AGBL1: variants seen among roughly 807,000 people sequenced by gnomAD.
AGBL1 encodes the protein AGBL carboxypeptidase 1.
In AGBL1, 130 loss-of-function variants were observed where a neutral mutation model predicts 118.9. That is an observed-to-expected ratio of 1.09 (90% CI 0.95 to 1.26). The LOEUF is 1.26. Ranked by LOEUF, AGBL1 falls within the 50% of genes most tolerant of loss-of-function variation. The pLI is 0.00. For missense variants in AGBL1, 1,584 were observed against 1,298.1 expected, an observed-to-expected ratio of 1.22 and a Z score of -3.38; for synonymous variants, 555 against 478.9, an observed-to-expected ratio of 1.16 and a Z score of -2.08.
intron 22 of AGBL1, among the ~76,000 whole-genome samples, chr15:86,813,899 T>C (rs1222536869): frequency 2.6e-5 from 4 of 152,214 alleles, no homozygotes; most frequent in Admixed American, 1.3e-4. Context: ...GAAACATTAC[T>C]TCTTTTTCCA....
At chr15:86,464,229 G>T (rs1305776683) in intron 18 of AGBL1, among the ~76,000 whole-genome samples, 2 of 152,140 alleles carry the variant, frequency 1.3e-5, no homozygotes, top group Admixed American at 1.3e-4. Flanking sequence ...CTCATGATTT[G>T]GCTCTCTGTT....
At chr15:86,224,758 C>T (rs2078332811) in intron 5 of AGBL1, among the ~76,000 whole-genome samples, 156 bp from the exon 6 acceptor site, 1 of 152,108 alleles carries the variant, frequency 6.6e-6, no homozygotes, top group African/African-American at 2.4e-5. Flanking sequence ...GCATTTATGC[C>T]TCTTTAATGG....
intron 18 of AGBL1, among the ~76,000 whole-genome samples, chr15:86,434,937 C>T (rs192543769): frequency 5.9e-5 from 9 of 152,356 alleles, no homozygotes; most frequent in South Asian, 2.1e-4. Context: ...GTTTTGCTCA[C>T]ATAGCCGCAG....
chr15:86,771,821 G>A (rs1297219279), intron 22 of AGBL1, among the ~76,000 whole-genome samples: 1 of 152,034 alleles, frequency 6.6e-6, no homozygotes, highest in East Asian at 1.9e-4. Flanking sequence ...GCTGCTGGAA[G>A]CCATGTTTTA....
chr15:86,831,678 G>T (rs2079105944), intron 22 of AGBL1, among the ~76,000 whole-genome samples: 1 of 152,196 alleles, frequency 6.6e-6, no homozygotes, highest in South Asian at 2.1e-4. Context: ...CCTCCCTCCT[G>T]GCTGCTTTCA....
At chr15:86,306,786 T>G (rs1180488201) in intron 17 of AGBL1, among the ~76,000 whole-genome samples, 1 of 152,162 alleles carries the variant, frequency 6.6e-6, no homozygotes, top group Non-Finnish European at 1.5e-5. Context: ...CCCACAACAG[T>G]GTGCAAGGAT....
chr15:87,027,994 C>T (rs892887465), intron 24 of AGBL1, among the ~76,000 whole-genome samples: 2 of 151,292 alleles, frequency 1.3e-5, no homozygotes, highest in African/African-American at 4.9e-5. Context: ...CACATGTTTA[C>T]CTATGTAACA....
At chr15:86,472,583 G>C (rs546635631) in intron 18 of AGBL1, among the ~76,000 whole-genome samples, 1 of 152,146 alleles carries the variant, frequency 6.6e-6, no homozygotes, top group Non-Finnish European at 1.5e-5. Flanking sequence ...ATTGCAACTG[G>C]AGAACATGCT....
At chr15:86,816,669 TA>T (rs556093155) in intron 22 of AGBL1, among the ~76,000 whole-genome samples, 4 of 151,660 alleles carry the variant, frequency 2.6e-5, no homozygotes, top group Non-Finnish European at 4.4e-5. Context: ...AAAGATGTAG[TA>T]AAAAAAACAC....
rs374473189 is a variant in AGBL1, at chr15:86,693,138, C to T, written c.3158+18702C>T. Among the ~76,000 whole-genome samples the T allele has an allele frequency of 7.9e-5, 12 of 152,206 alleles. No homozygotes were observed. The East Asian group carries it at 1.5e-3, about 20-fold the overall frequency. Reference sequence around the variant, plus strand: ...GGGTAGATACCCAGTAGTGTGATTGCTGGATCAAATGGAAGTTCCACTTTT... The same window carrying T: ...GGGTAGATACCCAGTAGTGTGATTGTTGGATCAAATGGAAGTTCCACTTTT... On this transcript the variant is annotated intron_variant, in intron 22 of 22. Transcript: ENST00000614907.
chr15:86,698,192 G>A (rs1034878843), intron 22 of AGBL1, among the ~76,000 whole-genome samples: 31 of 151,950 alleles, frequency 2.0e-4, no homozygotes, highest in Admixed American at 1.4e-3. Flanking sequence ...ATAGCCCAAG[G>A]CAAGGGAGAT....
At chr15:86,954,596 C>T (rs1307521223) in intron 23 of AGBL1, among the ~76,000 whole-genome samples, 1 of 152,098 alleles carries the variant, frequency 6.6e-6, no homozygotes, top group Non-Finnish European at 1.5e-5. Flanking sequence ...GGGAGCTAAA[C>T]ATTGAGCACA....
At chr15:86,919,339 T>C (rs1055503909), downstream of AGBL1, among the ~76,000 whole-genome samples, 8 of 152,212 alleles carry the variant, frequency 5.3e-5, no homozygotes, top group Non-Finnish European at 8.8e-5. Context: ...GTCAGTGATA[T>C]TCCCGAAAGA....
intron 22 of AGBL1, among the ~76,000 whole-genome samples, chr15:86,716,708 C>T (rs187865812): frequency 7.7e-4 from 118 of 152,288 alleles, no homozygotes; most frequent in Non-Finnish European, 1.2e-3. Context: ...ACATAGATGT[C>T]AACTATCCCA....
intron 22 of AGBL1, among the ~76,000 whole-genome samples, chr15:86,896,451 T>C (rs2080128308): frequency 6.6e-6 from 1 of 152,030 alleles, no homozygotes. Flanking sequence ...GATGGGGGCC[T>C]CAAGTTTTCA....
intron 18 of AGBL1, among the ~76,000 whole-genome samples, chr15:86,475,671 C>G (rs1223472861): frequency 6.6e-6 from 1 of 152,204 alleles, no homozygotes; most frequent in Non-Finnish European, 1.5e-5. Context: ...TCCAGGAGAA[C>G]TTCCCCAACC....
downstream of AGBL1, among the ~76,000 whole-genome samples, chr15:86,919,293 C>T (rs1039065677): frequency 1.3e-5 from 2 of 152,172 alleles, no homozygotes; most frequent in African/African-American, 4.8e-5. Flanking sequence ...CTTTTCCTGT[C>T]TCTGTTGAAA....
intron 23 of AGBL1, among the ~76,000 whole-genome samples, chr15:86,927,002 G>T (rs1352454230): frequency 6.6e-6 from 1 of 152,000 alleles, no homozygotes; most frequent in Non-Finnish European, 1.5e-5. Context: ...AGCCTGGTGT[G>T]GTGGTGGGCG....
At chr15:86,572,022 G>A (rs1390563557) in intron 21 of AGBL1, among the ~76,000 whole-genome samples, 1 of 152,216 alleles carries the variant, frequency 6.6e-6, no homozygotes, top group African/African-American at 2.4e-5. Flanking sequence ...AGGGGGCCAA[G>A]CCGGCAGGCG....
Sources: gnomAD v4.1 joint callset for allele counts (sites outside exome capture counted in the v4.1 genomes callset) on GRCh38, gnomAD v4.1.1 for gene constraint, MANE v1.5 for transcripts, NCBI Gene and HGNC (gene_info 2026-07-23, HGNC 2026-07-21) for gene names.